The following VPS13C variants were observed in gnomAD, a reference collection of about 807,000 sequenced individuals.
VPS13C encodes the protein vacuolar protein sorting 13 homolog C.
Under a neutral mutation model 456.8 loss-of-function variants are expected in VPS13C, and 358 were observed. The observed-to-expected ratio is 0.78, with a 90% CI of 0.72 to 0.86. The LOEUF (loss-of-function observed/expected upper bound fraction) is 0.86, where lower values mean the gene tolerates loss of function less well. VPS13C is among the 40% of genes least tolerant of loss of function. VPS13C has a pLI of 0.00. For synonymous variants in VPS13C, 1,578 were observed against 1,486.7 expected (o/e 1.06, Z -1.41); for missense variants, 4,818 against 4,385.4 (o/e 1.10, Z -2.79).
At chr15:61,861,442 C>T (rs1596263857) in intron 82 of VPS13C, among the ~76,000 whole-genome samples, 1 of 152,168 alleles carries the variant, frequency 6.6e-6, no homozygotes. Context: ...TTGAGAAACA[C>T]AGTATGGCCC....
intron 38 of VPS13C, among the ~76,000 whole-genome samples, chr15:61,952,239 T>C (rs1185553083): frequency 6.6e-6 from 1 of 152,178 alleles, no homozygotes; most frequent in African/African-American, 2.4e-5. Context: ...TTCGGCACCA[T>C]TAACATTTTG....
At chr15:61,946,162 C>G in intron 44 of VPS13C, 145 bp downstream of exon 44, 4 of 693,936 alleles carry the variant, frequency 5.8e-6, no homozygotes, top group Non-Finnish European at 2.3e-6. Flanking sequence ...AATGTGAAAG[C>G]AGACTATTAC....
At chr15:61,945,121 C>T (rs2044560764) in intron 45 of VPS13C, among the ~76,000 whole-genome samples, 1 of 152,182 alleles carries the variant, frequency 6.6e-6, no homozygotes, top group Non-Finnish European at 1.5e-5. Context: ...TCATGTAAGA[C>T]GTGCCTGCTT....
intron 15 of VPS13C, among the ~76,000 whole-genome samples, chr15:62,003,948 C>T (rs908378873): frequency 3.0e-4 from 45 of 152,086 alleles, no homozygotes; most frequent in African/African-American, 9.4e-4. Flanking sequence ...ATTTTTGCAT[C>T]GATGTTCATC....
At chr15:61,923,861 CTTTTTTTTT>C (rs1188960583) in intron 53 of VPS13C, among the ~76,000 whole-genome samples, 7 of 75,124 alleles carry the variant, frequency 9.3e-5, no homozygotes, top group African/African-American at 4.0e-4. Context: ...CCCTCTAAAT[CTTTTTTTTT>C]TTTTTTTTTT....
intron 1 of VPS13C, among the ~76,000 whole-genome samples, chr15:62,057,857 CAGA>C (rs755978838): frequency 2.0e-5 from 3 of 152,170 alleles, no homozygotes; most frequent in Non-Finnish European, 4.4e-5. Context: ...AAACCATTAT[CAGA>C]AGAACAGAAT....
intron 45 of VPS13C, among the ~76,000 whole-genome samples, chr15:61,943,514 G>A (rs2044499418): frequency 6.6e-6 from 1 of 152,126 alleles, no homozygotes; most frequent in African/African-American, 2.4e-5. Flanking sequence ...AATAGGCAAT[G>A]GGGAAAGGAT....
chr15:61,881,691 G>T (rs1038650597), intron 70 of VPS13C, 56 bp downstream of exon 70: 1 of 1,597,254 alleles, frequency 6.3e-7, no homozygotes, highest in Non-Finnish European at 8.5e-7. Flanking sequence ...TTAAACTAAT[G>T]CCTATTTAAC....
chr15:62,008,303 AGCAGGAGAATC>A (rs1182824096), intron 14 of VPS13C, among the ~76,000 whole-genome samples: 1 of 151,966 alleles, frequency 6.6e-6, no homozygotes, highest in African/African-American at 2.4e-5. Flanking sequence ...GGGAGGCTGA[AGCAGGAGAATC>A]GCTTGAACCA....
At chr15:61,924,596 C>T (rs1046944175) in intron 53 of VPS13C, among the ~76,000 whole-genome samples, 16 of 152,082 alleles carry the variant, frequency 1.1e-4, no homozygotes, top group East Asian at 3.9e-4. Context: ...TATGCAAATT[C>T]GAGGAGTTTT....
chr15:61,953,274 A>G (rs536854998), intron 38 of VPS13C, among the ~76,000 whole-genome samples: 3 of 151,724 alleles, frequency 2.0e-5, no homozygotes, highest in Non-Finnish European at 2.9e-5. Context: ...GTTTTAGGGT[A>G]CATGTGCACA....
At chr15:61,884,416 G>A (rs1357217030) in intron 67 of VPS13C, 147 bp from the exon 68 acceptor site, 7 of 812,190 alleles carry the variant, frequency 8.6e-6, no homozygotes, top group East Asian at 3.1e-5. Flanking sequence ...CTATACCTGT[G>A]TTGCAAGAGT....
chr15:61,887,606 G>A (rs1326137897), intron 67 of VPS13C, among the ~76,000 whole-genome samples: 4 of 152,126 alleles, frequency 2.6e-5, no homozygotes, highest in African/African-American at 9.7e-5. Context: ...TGGGAGGATT[G>A]CTTGAGCATA....
intron 16 of VPS13C, among the ~76,000 whole-genome samples, chr15:61,998,109 A>G (rs1186429536): frequency 6.6e-6 from 1 of 152,162 alleles, no homozygotes; most frequent in Non-Finnish European, 1.5e-5. Flanking sequence ...TTCCTGAATG[A>G]GCCAGGTATG....
Position 61,868,785 on chromosome 15 carries a change from A to G in VPS13C, c.10749-12T>C. On this transcript the variant is annotated splice_polypyrimidine_tract_variant and intron_variant, in intron 80 of 84. Coordinates refer to ENST00000644861, the MANE Select transcript of VPS13C (RefSeq NM_020821.3). ...TTGATTCTGCTGCCCTGAATAAGGC[A>G]TCAGAGTAAGTGTAAGAAAATACGT... 1 of 1,606,766 alleles carries G rather than the reference A, an allele frequency of 6.2e-7. No individual in the cohort carries two copies. Among genetic ancestry groups the G allele is most frequent in the Non-Finnish European group, 8.5e-7 (1 of 1,175,234 alleles).
At chr15:61,986,634 TA>T (rs1258140279) in intron 18 of VPS13C, among the ~76,000 whole-genome samples, 1 of 152,020 alleles carries the variant, frequency 6.6e-6, no homozygotes, top group Non-Finnish European at 1.5e-5. Flanking sequence ...GTCCAAACAG[TA>T]AGAAGTCCAA....
chr15:61,937,714 T>C (rs548398085), intron 47 of VPS13C, among the ~76,000 whole-genome samples: 1 of 152,290 alleles, frequency 6.6e-6, no homozygotes, highest in South Asian at 2.1e-4. Flanking sequence ...GACCTCGTGA[T>C]CCAACCGCCT....
rs1418650844 is a variant in VPS13C at position 61,962,308 on chromosome 15, A to G, written c.3603+63T>C. 5.6e-6 allele frequency: 8 copies of G among 1,431,270 alleles called. No homozygotes were observed. In the Admixed American group the frequency reaches 1.3e-4, roughly 23 times the overall value. The allele number at this position is 1,431,270 out of a possible 1,614,324, so 88.7% of individuals were successfully genotyped here. On this transcript the variant is annotated intron_variant, in intron 34 of 84. Coordinates refer to ENST00000644861, the MANE Select transcript of VPS13C (RefSeq NM_020821.3). ...TCCAAGGTTTATAACATTTGCCATCATAATTATCACACTTTTAAAATATTT... is the reference window on the plus strand; with the variant it reads ...TCCAAGGTTTATAACATTTGCCATCGTAATTATCACACTTTTAAAATATTT...
intron 78 of VPS13C, among the ~76,000 whole-genome samples, chr15:61,872,450 G>A (rs1021906112): frequency 4.6e-5 from 7 of 152,152 alleles, no homozygotes; most frequent in East Asian, 3.9e-4. Context: ...TAGTGGAAGT[G>A]TAGAAAACTG....
Sources: gnomAD v4.1 joint callset for allele counts (sites outside exome capture counted in the v4.1 genomes callset) on GRCh38, gnomAD v4.1.1 for gene constraint, MANE v1.5 for transcripts, NCBI Gene and HGNC (gene_info 2026-07-23, HGNC 2026-07-21) for gene names.